Variants in ANO6 observed in about 807,000 individuals in gnomAD.
The protein encoded by ANO6 is anoctamin 6.
Under a neutral mutation model 117.5 loss-of-function variants are expected in ANO6, and 106 were observed. The ratio of observed to expected loss-of-function variants is 0.90; its 90% CI spans 0.77 to 1.06. The LOEUF is 1.06. Ranked by LOEUF, ANO6 falls within the 50% of genes least tolerant of loss-of-function variation. The pLI is 0.00. For missense variants in ANO6, 955 were observed against 1,121.1 expected (o/e 0.85, Z 2.12); for synonymous variants, 367 against 385.1 (o/e 0.95, Z 0.55).
intron 3 of ANO6, among the ~76,000 whole-genome samples, chr12:45,344,401 T>G (rs80236644): frequency 0.014 from 2,137 of 152,296 alleles, 46 homozygotes; most frequent in African/African-American, 0.049. Flanking sequence ...GAGGTTTAAA[T>G]GGCTCACAGT....
chr12:45,394,080 TG>T (rs1400060689), intron 12 of ANO6, among the ~76,000 whole-genome samples: 2 of 152,086 alleles, frequency 1.3e-5, no homozygotes, highest in Admixed American at 1.3e-4. Context: ...GACCCATCAG[TG>T]TGCTGAATTG....
intron 1 of ANO6, among the ~76,000 whole-genome samples, chr12:45,240,066 C>A (rs920707607): frequency 6.6e-6 from 1 of 152,090 alleles, no homozygotes; most frequent in African/African-American, 2.4e-5. Flanking sequence ...GACTTCAAGT[C>A]CTGGATATCC....
At chr12:45,360,420 A>G (rs566267180) in intron 8 of ANO6, among the ~76,000 whole-genome samples, 3 of 152,222 alleles carry the variant, frequency 2.0e-5, no homozygotes, top group Non-Finnish European at 4.4e-5. Flanking sequence ...AATCCCATTC[A>G]TGAAGGATGA....
At chr12:45,223,528 A>C (rs1947437159) in intron 1 of ANO6, among the ~76,000 whole-genome samples, 1 of 152,148 alleles carries the variant, frequency 6.6e-6, no homozygotes, top group African/African-American at 2.4e-5. Flanking sequence ...AAACCCAGAA[A>C]GTTGTTAATG....
intron 1 of ANO6, among the ~76,000 whole-genome samples, chr12:45,264,758 A>G (rs2137220112): frequency 6.6e-6 from 1 of 152,346 alleles, no homozygotes; most frequent in East Asian, 1.9e-4. Flanking sequence ...ATTGTTTTGT[A>G]TTAGACAAAG....
chr12:45,370,871 T>C (rs1244530882), intron 9 of ANO6, among the ~76,000 whole-genome samples: 2 of 152,112 alleles, frequency 1.3e-5, no homozygotes, highest in African/African-American at 4.8e-5. Context: ...GATGGCCGAA[T>C]AGGAACAGCT....
intron 3 of ANO6, among the ~76,000 whole-genome samples, chr12:45,341,851 C>T (rs1940988279): frequency 6.6e-6 from 1 of 150,982 alleles, no homozygotes; most frequent in African/African-American, 2.4e-5. Context: ...GAGAGAATTT[C>T]TTTTTTTTTA....
chr12:45,437,357 T>C (rs1692055679), intron 19 of ANO6, among the ~76,000 whole-genome samples: 1 of 152,186 alleles, frequency 6.6e-6, no homozygotes, highest in African/African-American at 2.4e-5. Flanking sequence ...ACATTAAAAA[T>C]AAAAAACAAT....
intron 12 of ANO6, among the ~76,000 whole-genome samples, chr12:45,400,694 G>C (rs1249733187): frequency 6.6e-6 from 1 of 152,158 alleles, no homozygotes; most frequent in Admixed American, 6.5e-5. Flanking sequence ...AGTGGAGCTT[G>C]TACTCAAATA....
At chr12:45,421,787 T>G (rs1351171158) in intron 18 of ANO6, among the ~76,000 whole-genome samples, 6 of 152,244 alleles carry the variant, frequency 3.9e-5, no homozygotes, top group African/African-American at 1.4e-4. Context: ...AACAGTATTA[T>G]CTAAAAATAT....
intron 1 of ANO6, among the ~76,000 whole-genome samples, chr12:45,258,466 A>AT (rs61001503): frequency 0.79 from 120,743 of 151,966 alleles, 50,804 homozygotes; most frequent in Non-Finnish European, 0.94. Flanking sequence ...TCTTTCAGTG[A>AT]TTTTCACCTC....
At chr12:45,362,226 A>C (rs927233189) in intron 8 of ANO6, among the ~76,000 whole-genome samples, 2 of 152,046 alleles carry the variant, frequency 1.3e-5, no homozygotes, top group Non-Finnish European at 2.9e-5. Flanking sequence ...TAAGTAGTAC[A>C]TATTTTTCTA....
At chr12:45,237,999 G>A (rs762773675) in intron 1 of ANO6, among the ~76,000 whole-genome samples, 9 of 152,114 alleles carry the variant, frequency 5.9e-5, no homozygotes, top group Non-Finnish European at 1.2e-4. Context: ...GTGAATGGGA[G>A]TTCACTCATG....
intron 1 of ANO6, among the ~76,000 whole-genome samples, chr12:45,248,695 G>T (rs941209578): frequency 4.6e-5 from 7 of 152,090 alleles, no homozygotes; most frequent in Non-Finnish European, 8.8e-5. Flanking sequence ...TGGGATTATA[G>T]GTGTGAGCCT....
intron 10 of ANO6, 45 bp downstream of exon 10, chr12:45,378,158 AC>A: frequency 1.3e-6 from 2 of 1,555,430 alleles, no homozygotes; most frequent in Non-Finnish European, 1.8e-6. Context: ...TGATAGTATT[AC>A]ACAGTTTTAT....
intron 1 of ANO6, among the ~76,000 whole-genome samples, chr12:45,267,418 TCA>T (rs1454658865): frequency 6.6e-6 from 1 of 152,202 alleles, no homozygotes; most frequent in Non-Finnish European, 1.5e-5. Context: ...CCAAATCCAG[TCA>T]CATTTTGAGG....
chr12:45,417,062 T>A (rs932261353), intron 17 of ANO6, among the ~76,000 whole-genome samples, 158 bp downstream of exon 17: 4 of 152,238 alleles, frequency 2.6e-5, no homozygotes, highest in Admixed American at 1.3e-4. Context: ...ACTTGTTAAA[T>A]GTATTTTCAT....
intron 9 of ANO6, among the ~76,000 whole-genome samples, chr12:45,376,194 A>C (rs1478284251): frequency 1.4e-5 from 2 of 146,546 alleles, no homozygotes; most frequent in African/African-American, 2.6e-5. Flanking sequence ...TTAAAAAGTC[A>C]GGAAACAACA....
At chr12:45,439,460 C>T (rs1347683082) in intron 19 of ANO6, among the ~76,000 whole-genome samples, 2 of 152,154 alleles carry the variant, frequency 1.3e-5, no homozygotes, top group African/African-American at 4.8e-5. Flanking sequence ...TCAAACAAGG[C>T]TATCATGATA....
Sources: gnomAD v4.1 joint callset for allele counts (sites outside exome capture counted in the v4.1 genomes callset) on GRCh38, gnomAD v4.1.1 for gene constraint, MANE v1.5 for transcripts, NCBI Gene and HGNC (gene_info 2026-07-23, HGNC 2026-07-21) for gene names.